Variants in DLEC1 observed in about 807,000 individuals in gnomAD.
DLEC1 encodes the protein DLEC1 cilia and flagella associated protein.
Under a neutral mutation model 198.1 loss-of-function variants are expected in DLEC1, and 146 were observed. That is an observed-to-expected ratio of 0.74 (90% confidence interval 0.64 to 0.85). The LOEUF (loss-of-function observed/expected upper bound fraction) is 0.85, where lower values mean the gene tolerates loss of function less well. Ranked by LOEUF, DLEC1 falls within the 40% of genes least tolerant of loss-of-function variation. The probability of loss-of-function intolerance (pLI) is 0.00; values close to 1 mark genes in which losing one functional copy is unlikely to be tolerated. For synonymous variants in DLEC1, 897 were observed against 866.8 expected (o/e 1.03, Z -0.61); for missense variants, 2,233 against 2,220.0 (o/e 1.01, Z -0.12).
intron 6 of DLEC1, among the ~76,000 whole-genome samples, chr3:38,078,627 T>G (rs1450791648): frequency 9.2e-5 from 14 of 152,160 alleles, no homozygotes; most frequent in Admixed American, 2.6e-4. Context: ...AGTAATGGGG[T>G]CTATCTGTGA....
rs779594014 is a variant in DLEC1, at chr3:38,112,242, G to A, written c.3547G>A (p.Gly1183Arg). 2 of 1,614,174 alleles carry A rather than the reference G, an allele frequency of 1.2e-6. No individual in the cohort carries two copies. Among genetic ancestry groups the A allele is most frequent in the Admixed American group, 3.3e-5 (2 of 60,024 alleles). Residue 1183 changes from glycine to arginine, a missense_variant, in exon 25 of 37, where the codon GGA becomes AGA. Transcript: ENST00000308059. The surrounding 1 kb of genome is among the most constrained non-coding windows in gnomAD (Gnocchi z 4.8). ...GGAGAGCATGCTATCCCACGGGAAA[G>A]GAGCTGCTTTCTTCCCTCACTTTTC... ...FMESMLSHGK[G>R]AAFFPHFSQG... is the part of the protein sequence containing the mutation.
At chr3:38,084,566 A>AGTAGTAGTGGTGGGGGGGTG (rs1698322337) in intron 7 of DLEC1, among the ~76,000 whole-genome samples, 1 of 358 alleles carries the variant, frequency 2.8e-3, no homozygotes, top group Non-Finnish European at 8.3e-3. Flanking sequence ...TAGTAGTGGT[A>AGTAGTAGTGGTGGGGGGGTG]GTAGTAGTAG....
intron 20 of DLEC1, 70 bp downstream of exon 20, chr3:38,107,807 A>G (rs972287151): frequency 3.3e-6 from 5 of 1,532,172 alleles, no homozygotes; most frequent in Middle Eastern, 2.3e-4. Flanking sequence ...AGAGGGGGGC[A>G]TTGTCCCCCA....
At chr3:38,099,080 G>A (rs1201849804) in intron 18 of DLEC1, among the ~76,000 whole-genome samples, 1 of 152,134 alleles carries the variant, frequency 6.6e-6, no homozygotes, top group Admixed American at 6.5e-5. Context: ...GAAACTTTAT[G>A]CAAAAGCCCA....
At chr3:38,110,975 T>C (rs1297180655) in intron 23 of DLEC1, among the ~76,000 whole-genome samples, 1 of 151,980 alleles carries the variant, frequency 6.6e-6, no homozygotes, top group African/African-American at 2.4e-5. Context: ...CATACATACA[T>C]GCTCATATAC....
intron 2 of DLEC1, among the ~76,000 whole-genome samples, chr3:38,058,937 T>C (rs949519192): frequency 1.3e-5 from 2 of 152,194 alleles, no homozygotes; most frequent in African/African-American, 2.4e-5. Flanking sequence ...CCAACCTCAG[T>C]CCACTTGCCA....
Position 38,084,254 on chromosome 3 carries a change from A to C in DLEC1, c.1261+9A>C. 6.2e-7 allele frequency: 1 copy of C among 1,608,548 alleles called. No individual in the cohort carries two copies. Among genetic ancestry groups the C allele is most frequent in the Non-Finnish European group, 8.5e-7 (1 of 1,175,746 alleles). On this transcript the variant is annotated intron_variant, in intron 7 of 36. Transcript: ENST00000308059. The stretch of plus-strand genomic sequence containing the variant: ...CTTCGCTCTGGGACTGGGTAAGTTC[A>C]GTATTTGTAAGTTCATTAGTAGTAG...
chr3:38,057,353 G>C (rs1194164986), intron 2 of DLEC1, among the ~76,000 whole-genome samples: 1 of 152,128 alleles, frequency 6.6e-6, no homozygotes, highest in Admixed American at 6.5e-5. Flanking sequence ...TTAGCTGGGC[G>C]TGGTGGCACG....
intron 6 of DLEC1, 115 bp from the exon 7 acceptor site, chr3:38,084,043 A>G (rs960961962): frequency 2.1e-6 from 2 of 963,804 alleles, no homozygotes; most frequent in Non-Finnish European, 3.1e-6. Context: ...ACATGTGGCC[A>G]AGCCTATTTC....
chr3:38,111,416 G>A (rs980427104), intron 23 of DLEC1, among the ~76,000 whole-genome samples: 6 of 152,220 alleles, frequency 3.9e-5, no homozygotes, highest in South Asian at 2.1e-4. Flanking sequence ...TTCAGAGCCC[G>A]CCTGGGTTTC....
chr3:38,111,415 C>T (rs552336409), intron 23 of DLEC1, among the ~76,000 whole-genome samples: 36 of 152,264 alleles, frequency 2.4e-4, no homozygotes, highest in East Asian at 1.2e-3. Flanking sequence ...CTTCAGAGCC[C>T]GCCTGGGTTT....
chr3:38,059,113 C>T (rs561907634), intron 2 of DLEC1, among the ~76,000 whole-genome samples: 3 of 152,186 alleles, frequency 2.0e-5, no homozygotes, highest in East Asian at 1.9e-4. Context: ...ATCTGCAGGT[C>T]AGTGGGGAAT....
intron 14 of DLEC1, 56 bp from the exon 15 acceptor site, chr3:38,096,513 T>G (rs922738357): frequency 1.2e-5 from 19 of 1,570,152 alleles, no homozygotes; most frequent in Non-Finnish European, 1.6e-5. Context: ...GCAGGGACAC[T>G]CTAGGATGTG....
chr3:38,050,658 C>G lies in DLEC1; in HGVS notation c.562+4965C>G, dbSNP rs142077183. 9.5e-3 allele frequency among the ~76,000 whole-genome samples: 1,447 copies of G among 152,318 alleles called. 13 individuals carry two copies. Among genetic ancestry groups the G allele is most frequent in the Non-Finnish European group, 0.015 (989 of 68,024 alleles). On this transcript the variant is annotated intron_variant, in intron 2 of 36. Coordinates refer to ENST00000308059, the MANE Select transcript of DLEC1 (RefSeq NM_007335.4). ...GTCCACTCCCATGACCCAACACTTC[C>G]CATTGGGCCCCACCTCCAACTTTAG... is the stretch of plus-strand genomic sequence containing the variant.
chr3:38,084,392 A>AGTAGTAGTGGTGGTG lies in DLEC1; in HGVS notation c.1261+155_1261+156insGGTGGTGGTAGTAGT, dbSNP rs1698260822. ...TAGTAGTGATGGTGGTAGTAGTGGT[A>AGTAGTAGTGGTGGTG]GTAGTAGTAGTGGTGGTGGTAGTAG... On this transcript the variant is annotated intron_variant, in intron 7 of 36. Coordinates refer to ENST00000308059, the MANE Select transcript of DLEC1 (RefSeq NM_007335.4). 53 of 289,266 alleles carry AGTAGTAGTGGTGGTG rather than the reference A, an allele frequency of 1.8e-4. 2 individuals are homozygous for AGTAGTAGTGGTGGTG. The African/African-American group carries it at 3.4e-3, about 19-fold the overall frequency. The allele number at this position is 289,266 out of a possible 1,614,324, so 17.9% of individuals were successfully genotyped here.
intron 6 of DLEC1, among the ~76,000 whole-genome samples, chr3:38,067,542 ATGTC>A (rs1434623111): frequency 6.6e-6 from 1 of 152,216 alleles, no homozygotes; most frequent in African/African-American, 2.4e-5. Flanking sequence ...TTGTTCCACA[ATGTC>A]TGAGGCCATT....
intron 27 of DLEC1, among the ~76,000 whole-genome samples, chr3:38,115,325 G>A (rs1395303391): frequency 6.6e-6 from 1 of 152,216 alleles, no homozygotes; most frequent in African/African-American, 2.4e-5. Flanking sequence ...GGGATACAGC[G>A]GGGACAGGAC....
chr3:38,109,080 C>T (rs1699721780), intron 21 of DLEC1, among the ~76,000 whole-genome samples: 1 of 152,212 alleles, frequency 6.6e-6, no homozygotes, highest in Admixed American at 6.5e-5. Context: ...GGACGACAGA[C>T]AGGCAGGCCC....
chr3:38,094,184 A>AG (rs1698889953), intron 12 of DLEC1, among the ~76,000 whole-genome samples: 1 of 152,098 alleles, frequency 6.6e-6, no homozygotes, highest in Non-Finnish European at 1.5e-5. Flanking sequence ...TCCAAGTCCC[A>AG]GGGGCAGACA....
Sources: allele counts gnomAD v4.1 joint callset (sites outside exome capture counted in the v4.1 genomes callset), GRCh38; gene constraint gnomAD v4.1.1; non-coding constraint Gnocchi (gnomAD v3.1); transcripts MANE v1.5; gene names NCBI Gene and HGNC (gene_info 2026-07-23, HGNC 2026-07-21).